The following CCDC3 variants were observed in gnomAD, a reference collection of about 807,000 sequenced individuals.
CCDC3 encodes coiled-coil domain containing 3, also known as coiled-coil domain-containing protein 3.
A neutral mutation model predicts 21.4 loss-of-function variants in CCDC3; 24 were observed. The observed-to-expected ratio is 1.12, with a 90% confidence interval of 0.81 to 1.58. CCDC3 has a LOEUF of 1.58. Among genes scored for constraint, CCDC3 ranks in the 40% most tolerant of loss-of-function variants. The pLI is 0.00. For missense variants in CCDC3, 425 were observed against 360.9 expected (o/e 1.18, Z -1.44); for synonymous variants, 186 against 166.0 (o/e 1.12, Z -0.93).
intron 5 of CCDC3, among the ~76,000 whole-genome samples, chr10:13,033,538 A>G (rs1175165579): frequency 1.3e-5 from 2 of 152,182 alleles, no homozygotes; most frequent in African/African-American, 4.8e-5. Context: ...AGAAACTACC[A>G]TCAGAGTGAA....
At chr10:12,947,183 G>T (rs952870646) in intron 2 of CCDC3, among the ~76,000 whole-genome samples, 12 of 150,224 alleles carry the variant, frequency 8.0e-5, no homozygotes, top group Non-Finnish European at 1.6e-4. Flanking sequence ...GGTCTTGCTT[G>T]GTAGCCCAGG....
intron 5 of CCDC3, among the ~76,000 whole-genome samples, chr10:13,027,846 G>T (rs1332686576): frequency 1.3e-5 from 2 of 152,038 alleles, no homozygotes; most frequent in Admixed American, 1.3e-4. Flanking sequence ...CAATAGTTGA[G>T]AGAGGTTATA....
At chr10:13,001,904 T>G (rs553539545), upstream of CCDC3, among the ~76,000 whole-genome samples, 1 of 151,598 alleles carries the variant, frequency 6.6e-6, no homozygotes, top group African/African-American at 2.4e-5. Context: ...CAGCCCTGAA[T>G]TGGGGACAGT....
At chr10:12,908,013 GT>G (rs1201664781) in intron 2 of CCDC3, among the ~76,000 whole-genome samples, 2 of 152,204 alleles carry the variant, frequency 1.3e-5, no homozygotes, top group Non-Finnish European at 2.9e-5. Flanking sequence ...ATGGCCAGGG[GT>G]TAAGTCCTGC....
chr10:12,953,704 C>T lies in CCDC3; in HGVS notation c.549+44634G>A, dbSNP rs368230588. Among the ~76,000 whole-genome samples, 6 of 152,284 alleles carry T rather than the reference C, an allele frequency of 3.9e-5. No homozygotes were observed. In the South Asian group the frequency reaches 6.2e-4, roughly 16 times the overall value. On this transcript the variant is annotated intron_variant, in intron 2 of 2. Coordinates refer to ENST00000378825, the MANE Select transcript of CCDC3 (RefSeq NM_031455.4). ...CTGTGGAGCTGTGACTTCAGAAGAG[C>T]CACAGGGGGCCTCGAGGCACTCGGC...
At chr10:12,978,550 CAGAGAGAGAGAGAG>C (rs10578839) in intron 2 of CCDC3, among the ~76,000 whole-genome samples, 1 of 149,372 alleles carries the variant, frequency 6.7e-6, no homozygotes, top group Admixed American at 6.7e-5. Context: ...AGAATGGAAC[CAGAGAGAGAGAGAG>C]AGAGAGAGAT....
At chr10:12,902,075 A>T (rs1034337995) in intron 2 of CCDC3, among the ~76,000 whole-genome samples, 1 of 152,192 alleles carries the variant, frequency 6.6e-6, no homozygotes, top group Non-Finnish European at 1.5e-5. Context: ...ACCTGGTGGC[A>T]CTAGGAGAAT....
intron 4 of CCDC3, among the ~76,000 whole-genome samples, chr10:13,059,813 G>C (rs932689764): frequency 1.3e-5 from 2 of 152,132 alleles, no homozygotes; most frequent in Middle Eastern, 3.2e-3. Context: ...GTTTTGGCCG[G>C]GCGCGGTGGC....
At chr10:13,018,900 G>A (rs1013097335) in intron 5 of CCDC3, among the ~76,000 whole-genome samples, 2 of 149,900 alleles carry the variant, frequency 1.3e-5, no homozygotes, top group African/African-American at 4.9e-5. Context: ...TCATGCCGTT[G>A]CACTCCAGCC....
intron 2 of CCDC3, among the ~76,000 whole-genome samples, chr10:12,981,305 G>C (rs1211567002): frequency 1.3e-5 from 2 of 149,624 alleles, no homozygotes; most frequent in Admixed American, 1.3e-4. Flanking sequence ...TCAGCCTCCC[G>C]AGTAGGTAGA....
At chr10:12,919,984 G>A (rs1380048462) in intron 2 of CCDC3, among the ~76,000 whole-genome samples, 1 of 152,162 alleles carries the variant, frequency 6.6e-6, no homozygotes, top group Non-Finnish European at 1.5e-5. Context: ...CATCTAGTGG[G>A]CCCGGAAGGG....
rs191849184 is a variant in CCDC3 at position 12,981,437 on chromosome 10, C to T, written c.549+16901G>A. Among the ~76,000 whole-genome samples the T allele has an allele frequency of 1.4e-4, 22 of 152,230 alleles. No homozygotes were observed. In the South Asian group the frequency reaches 3.3e-3, roughly 23 times the overall value. ...CTGACCTCAGGTGATCTGCCTGCCTCGGCCTCCCAAAGTGCTGGGTTTACA... is the reference window on the plus strand; with the variant it reads ...CTGACCTCAGGTGATCTGCCTGCCTTGGCCTCCCAAAGTGCTGGGTTTACA... On this transcript the variant is annotated intron_variant, in intron 2 of 2. Transcript: ENST00000378825.
intron 2 of CCDC3, among the ~76,000 whole-genome samples, chr10:12,954,703 G>A (rs7911389): frequency 0.082 from 12,451 of 152,174 alleles, 698 homozygotes; most frequent in African/African-American, 0.16. Flanking sequence ...CCATTGACAA[G>A]GGATCCACCC....
intron 2 of CCDC3, among the ~76,000 whole-genome samples, chr10:12,931,872 T>TA (rs1462114974): frequency 6.6e-6 from 1 of 152,366 alleles, no homozygotes; most frequent in Admixed American, 6.5e-5. Flanking sequence ...AAAGGACCTG[T>TA]AAGTAAAACT....
intron 3 of CCDC3, among the ~76,000 whole-genome samples, chr10:13,075,741 A>G (rs1414619584): frequency 6.6e-6 from 1 of 152,114 alleles, no homozygotes; most frequent in Non-Finnish European, 1.5e-5. Context: ...GCAATGGTTA[A>G]TTTTATGTAT....
At chr10:12,959,586 G>C (rs1452944355) in intron 2 of CCDC3, among the ~76,000 whole-genome samples, 4 of 152,108 alleles carry the variant, frequency 2.6e-5, no homozygotes, top group Admixed American at 6.5e-5. Context: ...CAGGGGTCAG[G>C]GTGAGCTAAG....
intron 2 of CCDC3, among the ~76,000 whole-genome samples, chr10:12,932,072 T>C (rs1335438516): frequency 6.6e-6 from 1 of 152,216 alleles, no homozygotes; most frequent in Non-Finnish European, 1.5e-5. Flanking sequence ...CAAATCTCCA[T>C]TTGTTTAGTT....
chr10:13,001,941 G>A (rs1292499563), upstream of CCDC3, among the ~76,000 whole-genome samples: 1 of 152,184 alleles, frequency 6.6e-6, no homozygotes, highest in African/African-American at 2.4e-5. Flanking sequence ...GGCGCCCCAC[G>A]ATGGACGTGG....
intron 2 of CCDC3, among the ~76,000 whole-genome samples, chr10:12,933,361 TACA>T (rs1220298992): frequency 2.0e-5 from 3 of 152,256 alleles, no homozygotes; most frequent in Non-Finnish European, 4.4e-5. Context: ...TCTTTCTTTT[TACA>T]TGAATTTTAA....
Sources: gnomAD v4.1 joint callset for allele counts (sites outside exome capture counted in the v4.1 genomes callset) on GRCh38, gnomAD v4.1.1 for gene constraint, MANE v1.5 for transcripts, NCBI Gene and HGNC (gene_info 2026-07-23, HGNC 2026-07-21) for gene names.